The following POU5F1B variants were observed in gnomAD, a reference collection of about 807,000 sequenced individuals.
POU5F1B encodes the protein POU class 5 homeobox 1B.
Under a neutral mutation model 28.1 loss-of-function variants are expected in POU5F1B, and 24 were observed. That is an observed-to-expected ratio of 0.85 (90% CI 0.62 to 1.20). The LOEUF is 1.20. Among genes scored for constraint, POU5F1B ranks in the 50% most tolerant of loss-of-function variants. The probability of loss-of-function intolerance (pLI) is 0.00; values close to 1 mark genes in which losing one functional copy is unlikely to be tolerated. For missense variants in POU5F1B, 451 were observed against 451.5 expected, an observed-to-expected ratio of 1.00 and a Z score of 0.01; for synonymous variants, 220 against 193.2, an observed-to-expected ratio of 1.14 and a Z score of -1.15.
chr8:127,414,343 C>CTG (rs1372043734), intron 1 of POU5F1B, among the ~76,000 whole-genome samples: 2 of 152,012 alleles, frequency 1.3e-5, no homozygotes, highest in Non-Finnish European at 2.9e-5. Flanking sequence ...TGTTTTGTAC[C>CTG]TGTGTGTGTG....
chr8:127,414,560 T>C (rs80336922), intron 1 of POU5F1B, among the ~76,000 whole-genome samples: 1,693 of 152,328 alleles, frequency 0.011, 17 homozygotes, highest in Non-Finnish European at 0.02. Context: ...GAAACAAGGG[T>C]TAAGGACATT....
At chr8:127,416,050 C>A (rs1442003498) in exon 3 of POU5F1B, 2 of 1,609,078 alleles carry the variant, frequency 1.2e-6, no homozygotes, top group South Asian at 2.2e-5. Flanking sequence ...GGGGATTCCC[C>A]CTTGCCCCCC....
At chr8:127,416,704 C>A in exon 3 of POU5F1B, 1 of 1,608,866 alleles carries the variant, frequency 6.2e-7, no homozygotes, top group South Asian at 1.1e-5. Context: ...GTTCTGTAAC[C>A]GGCGCCAGAA....
At chr8:127,417,194 T>TAAAAAAAA (rs71303488) in exon 3 of POU5F1B, 68 of 248,104 alleles carry the variant, frequency 2.7e-4, no homozygotes, top group South Asian at 9.7e-4. Context: ...TGGGACACAG[T>TAAAAAAAA]AAAAAAAAAA....
At chr8:127,416,836 T>A (rs1290019306) in exon 3 of POU5F1B, 1 of 1,603,632 alleles carries the variant, frequency 6.2e-7, no homozygotes, top group African/African-American at 1.3e-5. Flanking sequence ...TACCCCAGGC[T>A]ATGGGAGCCC....
At chr8:127,416,794 T>G in exon 3 of POU5F1B, 3 of 1,606,176 alleles carry the variant, frequency 1.9e-6, no homozygotes, top group Non-Finnish European at 2.6e-6. Flanking sequence ...GGGACCAGTG[T>G]CCTTTCCTCC....
exon 3 of POU5F1B, chr8:127,415,717 A>G (rs1563683674): frequency 1.5e-6 from 2 of 1,293,010 alleles, no homozygotes; most frequent in Admixed American, 6.6e-5. Context: ...TTCCTAACAC[A>G]TTCAGTCAAC....
At chr8:127,416,783 G>A (rs759396734) in exon 3 of POU5F1B, 3 of 1,606,244 alleles carry the variant, frequency 1.9e-6, no homozygotes, top group African/African-American at 1.3e-5. Context: ...CCTTTCTCAG[G>A]GGGACCAGTG....
At chr8:127,415,843 C>G (rs75427380) in exon 3 of POU5F1B, 23,286 of 1,498,146 alleles carry the variant, frequency 0.016, 215 homozygotes, top group Non-Finnish European at 0.019. Context: ...ACCAGGCCCC[C>G]GGCTTGGGGC....
Position 127,416,638 on chromosome 8 carries a change from C to T in POU5F1B, c.772C>T (p.Gln258Ter). ...CCTGCAGTGCCCGAAACCCACACTG[C>T]AGATCAGCCACATCGCCCAGCAGCT... is the stretch of plus-strand genomic sequence containing the variant. Residue 258 changes from glutamine to a stop codon, truncating the protein, a stop_gained, in exon 3 of 3, where the codon CAG (glutamine) becomes TAG (stop). Transcript: ENST00000465342. LOFTEE classifies it high-confidence loss of function. The T allele has an allele frequency of 6.2e-7, 1 of 1,600,202 alleles. No homozygotes were observed. The highest frequency in any genetic ancestry group is 8.5e-7 in the Non-Finnish European group (1 of 1,172,950).
chr8:127,416,111 T>G (rs765660142), exon 3 of POU5F1B: 1 of 1,613,096 alleles, frequency 6.2e-7, no homozygotes, highest in East Asian at 2.2e-5. Flanking sequence ...CAGGTTGGAG[T>G]GGGGCTAGTG....
rs1424432509 is a variant in POU5F1B at position 127,416,396 on chromosome 8, A to C, written c.530A>C (p.Lys177Thr). The change falls in exon 3 of 3, where the codon AAG becomes ACG. Residue 177 changes from lysine (K) to threonine (T), a missense_variant. Coordinates refer to ENST00000465342, the Ensembl canonical transcript of POU5F1B. ...CTCATCCTGGGGGTTCTATTTGGGA[A>C]GGTGTTCAGCCAAAAGACCATCTGC... 1.2e-6 allele frequency: 2 copies of C among 1,608,086 alleles called. No homozygotes were observed. The highest frequency in any genetic ancestry group is 1.7e-6 in the Non-Finnish European group (2 of 1,176,808).
chr8:127,416,716 G>A (rs1339566701), exon 3 of POU5F1B: 4 of 1,609,588 alleles, frequency 2.5e-6, no homozygotes, highest in Non-Finnish European at 3.4e-6. Context: ...GCGCCAGAAG[G>A]GCAAGCGATC....
chr8:127,416,411 A>C (rs13273814), exon 3 of POU5F1B: 313,843 of 1,606,024 alleles, frequency 0.2, 35,128 homozygotes, highest in African/African-American at 0.47. Context: ...TTCAGCCAAA[A>C]GACCATCTGC....
chr8:127,415,835 C>A, exon 3 of POU5F1B: 2 of 1,487,904 alleles, frequency 1.3e-6, no homozygotes, highest in South Asian at 1.4e-5. Context: ...CTCATTTCAC[C>A]AGGCCCCCGG....
chr8:127,415,956 T>C (rs1168765459), exon 3 of POU5F1B: 3 of 1,572,872 alleles, frequency 1.9e-6, no homozygotes, highest in Non-Finnish European at 8.6e-7. Context: ...CGGGCTGGGT[T>C]GATCCTCTGA....
exon 3 of POU5F1B, chr8:127,417,194 TAA>T (rs71303488): frequency 5.3e-3 from 1,311 of 246,106 alleles, no homozygotes; most frequent in South Asian, 0.01. Flanking sequence ...TGGGACACAG[TAA>T]AAAAAAAAAA....
exon 2 of POU5F1B, chr8:127,414,940 C>T (rs894620093): frequency 2.6e-5 from 4 of 152,248 alleles, no homozygotes; most frequent in Admixed American, 1.3e-4. Flanking sequence ...ACTCAAGCAG[C>T]TTTATGGAAA....
Position 127,416,629 on chromosome 8 carries a change from C to T in POU5F1B, c.763C>T (p.Pro255Ser), listed in dbSNP as rs773976279. 3.9e-4 allele frequency: 618 copies of T among 1,599,410 alleles called. 2 individuals are homozygous for T. In the East Asian group the frequency reaches 4.6e-3, roughly 12 times the overall value. The change falls in exon 3 of 3, where the codon CCC becomes TCC. Residue 255 changes from proline to serine, a missense_variant. Pro to Ser is a moderately conservative substitution (Grantham distance 74, BLOSUM62 -1). Transcript: ENST00000465342. ...GAATTTGTTCCTGCAGTGCCCGAAA[C>T]CCACACTGCAGATCAGCCACATCGC...
Sources: allele counts gnomAD v4.1 joint callset (sites outside exome capture counted in the v4.1 genomes callset), GRCh38; gene constraint gnomAD v4.1.1; transcripts MANE v1.5; gene names NCBI Gene and HGNC (gene_info 2026-07-23, HGNC 2026-07-21).